Variants in TMEM178B observed in about 807,000 individuals in gnomAD.
TMEM178B encodes the protein transmembrane protein 178B.
In TMEM178B, 5 loss-of-function variants were observed where a neutral mutation model predicts 31.0. The ratio of observed to expected loss-of-function variants is 0.16; its 90% CI spans 0.08 to 0.34. The LOEUF (loss-of-function observed/expected upper bound fraction) is 0.34, where lower values mean the gene tolerates loss of function less well. TMEM178B is among the 10% of genes least tolerant of loss of function. The pLI, the probability that TMEM178B is intolerant of heterozygous loss-of-function variation, is 1.00. For synonymous variants in TMEM178B, 164 were observed against 164.0 expected (o/e 1.00, Z 0.00); for missense variants, 275 against 400.3 (o/e 0.69, Z 2.67).
In TMEM178B at chr7:141,318,110, T is replaced by C. The variant is rs539255419; in HGVS notation, c.496+105406T>C. Among the ~76,000 whole-genome samples the C allele has an allele frequency of 6.6e-6, 1 of 152,356 alleles. No individual in the cohort carries two copies. Among genetic ancestry groups the C allele is most frequent in the Non-Finnish European group, 1.5e-5 (1 of 68,032 alleles). On this transcript the variant is annotated intron_variant, in intron 2 of 3. Transcript: ENST00000565468. This position sits in a 1 kb window ranked among gnomAD's most constrained non-coding sequence, Gnocchi z 4.1. ...AGATCTTGTGGTAATGACTGCAGTA[T>C]AATCACAGCCTGGGGTATTATTGGA... is the stretch of plus-strand genomic sequence containing the variant.
the TMEM178B span, among the ~76,000 whole-genome samples, chr7:141,505,943 G>T: frequency 6.6e-6 from 1 of 152,166 alleles, no homozygotes; most frequent in Non-Finnish European, 1.5e-5. Context: ...CAACACTCAG[G>T]CTCTCCACTG....
chr7:141,303,459 C>T (rs954666795), intron 2 of TMEM178B, among the ~76,000 whole-genome samples: 3 of 152,338 alleles, frequency 2.0e-5, no homozygotes, highest in African/African-American at 7.2e-5. Context: ...TTCACATTGA[C>T]AGCCAGAGTC....
chr7:141,314,616 T>C (rs1798971026), intron 2 of TMEM178B, among the ~76,000 whole-genome samples: 1 of 152,188 alleles, frequency 6.6e-6, no homozygotes, highest in African/African-American at 2.4e-5. Flanking sequence ...CTGTGTCCTT[T>C]CTTGGGCATC....
intron 2 of TMEM178B, among the ~76,000 whole-genome samples, chr7:141,247,515 C>T (rs372704289): frequency 6.6e-6 from 1 of 152,160 alleles, no homozygotes; most frequent in East Asian, 1.9e-4. Flanking sequence ...TGCCTCCAAG[C>T]GACATCCATA....
chr7:141,486,037 G>T, the TMEM178B span, among the ~76,000 whole-genome samples: 1 of 152,144 alleles, frequency 6.6e-6, no homozygotes, highest in East Asian at 1.9e-4. Flanking sequence ...AGAATGTGGT[G>T]GTGCATATAC....
At chr7:141,212,538 C>A in intron 1 of TMEM178B, 53 bp from the exon 2 acceptor site, 1 of 1,428,228 alleles carries the variant, frequency 7.0e-7, no homozygotes, top group Non-Finnish European at 9.5e-7. Context: ...CAGAACTAGT[C>A]CAGATGTGGT....
At chr7:141,363,549 C>T (rs1191550435) in intron 2 of TMEM178B, among the ~76,000 whole-genome samples, 1 of 152,190 alleles carries the variant, frequency 6.6e-6, no homozygotes, top group Non-Finnish European at 1.5e-5. Flanking sequence ...ACGCAATTCT[C>T]TGATTCTAAC....
intron 1 of TMEM178B, among the ~76,000 whole-genome samples, chr7:141,166,951 G>A (rs561789181): frequency 6.6e-6 from 1 of 152,090 alleles, no homozygotes; most frequent in African/African-American, 2.4e-5. Context: ...TGGAACAGAC[G>A]GTTTCCTCTC....
At chr7:141,210,241 G>A (rs1001917170) in intron 1 of TMEM178B, among the ~76,000 whole-genome samples, 17 of 152,100 alleles carry the variant, frequency 1.1e-4, no homozygotes, top group Non-Finnish European at 1.0e-4. Context: ...GAGGCGGGTG[G>A]ATCACCTGAG....
intron 2 of TMEM178B, among the ~76,000 whole-genome samples, chr7:141,218,202 C>T (rs946777114): frequency 2.0e-5 from 3 of 152,044 alleles, no homozygotes; most frequent in South Asian, 2.1e-4. Context: ...TGGGGGTCCT[C>T]GCCTTCACCA....
At chr7:141,382,855 C>A (rs1040706408) in intron 2 of TMEM178B, among the ~76,000 whole-genome samples, 4 of 152,204 alleles carry the variant, frequency 2.6e-5, no homozygotes, top group African/African-American at 7.2e-5. Flanking sequence ...AGGGGTGTTC[C>A]TTTATATCTC....
rs1418313256 is a variant in TMEM178B at position 141,074,538 on chromosome 7, G to C, written c.228G>C (p.Glu76Asp). The C allele has an allele frequency of 2.0e-6, 3 of 1,536,006 alleles. No individual in the cohort carries two copies. Among genetic ancestry groups the C allele is most frequent in the Non-Finnish European group, 2.6e-6 (3 of 1,146,804 alleles). ...GCCGCTCGCGCCTGGACCGCTGGGA[G>C]GGCAAACTCCTCCGGGCCCGGAATC... ...RASRSRLDRW[E>D]GKLLRARNRR... Residue 76 changes from glutamate to aspartate, a missense_variant, in exon 1 of 4, where the codon GAG (glutamate) becomes GAC (aspartate). By Grantham distance (45) the Glu-to-Asp change is conservative. Coordinates refer to ENST00000565468, the MANE Select transcript of TMEM178B (RefSeq NM_001195278.2). This position sits in a 1 kb window ranked among gnomAD's most constrained non-coding sequence, Gnocchi z 5.1.
intron 1 of TMEM178B, among the ~76,000 whole-genome samples, chr7:141,075,343 TA>T (rs1014447190): frequency 3.4e-5 from 5 of 147,436 alleles, no homozygotes; most frequent in Non-Finnish European, 6.0e-5. Flanking sequence ...GTCTAATAAG[TA>T]AAAAAAAAAT....
chr7:141,263,422 C>T (rs892208827), intron 2 of TMEM178B, among the ~76,000 whole-genome samples: 1 of 152,158 alleles, frequency 6.6e-6, no homozygotes, highest in African/African-American at 2.4e-5. Flanking sequence ...AATTCACCAC[C>T]TACCATTGCT....
intron 1 of TMEM178B, among the ~76,000 whole-genome samples, chr7:141,197,297 A>G: frequency 6.6e-6 from 1 of 152,212 alleles, no homozygotes; most frequent in African/African-American, 2.4e-5. Flanking sequence ...TAATTTGGCC[A>G]AGATCCCATA....
At chr7:141,350,372 T>G (rs149981463) in intron 2 of TMEM178B, among the ~76,000 whole-genome samples, 103 of 152,252 alleles carry the variant, frequency 6.8e-4, no homozygotes, top group African/African-American at 2.3e-3. Context: ...TTATTTGTAT[T>G]TTATCTTCCC....
chr7:141,289,204 G>A (rs1012075295), intron 2 of TMEM178B, among the ~76,000 whole-genome samples: 4 of 152,156 alleles, frequency 2.6e-5, no homozygotes, highest in African/African-American at 9.7e-5. Context: ...ATAGTAATAG[G>A]GTCGAGAGCA....
the TMEM178B span, among the ~76,000 whole-genome samples, chr7:141,507,708 C>T: frequency 6.6e-6 from 1 of 152,212 alleles, no homozygotes; most frequent in South Asian, 2.1e-4. Flanking sequence ...CCCACAGGCT[C>T]AACACCACAT....
intron 2 of TMEM178B, among the ~76,000 whole-genome samples, chr7:141,304,871 T>C (rs1056439825): frequency 1.3e-5 from 2 of 152,210 alleles, no homozygotes; most frequent in African/African-American, 4.8e-5. Flanking sequence ...GTCACTGGCA[T>C]CCATCTCTTC....
Sources: gnomAD v4.1 joint callset for allele counts (sites outside exome capture counted in the v4.1 genomes callset) on GRCh38, gnomAD v4.1.1 for gene constraint, Gnocchi (gnomAD v3.1) non-coding constraint, MANE v1.5 for transcripts, NCBI Gene and HGNC (gene_info 2026-07-23, HGNC 2026-07-21) for gene names.